Variants in CFAP77 observed in about 807,000 individuals in gnomAD.
CFAP77 encodes cilia and flagella associated protein 77.
In CFAP77, 25 loss-of-function variants were observed where a neutral mutation model predicts 31.1. That is an observed-to-expected ratio of 0.80 (90% confidence interval 0.59 to 1.12). The LOEUF is 1.12. Ranked by LOEUF, CFAP77 falls within the 50% of genes most tolerant of loss-of-function variation. The probability of loss-of-function intolerance (pLI) is 0.00; values close to 1 mark genes in which losing one functional copy is unlikely to be tolerated. For missense variants in CFAP77, 377 were observed against 397.3 expected, an observed-to-expected ratio of 0.95 and a Z score of 0.44; for synonymous variants, 151 against 159.9, an observed-to-expected ratio of 0.94 and a Z score of 0.42.
intron 1 of CFAP77, among the ~76,000 whole-genome samples, chr9:132,489,252 G>A (rs933621673): frequency 3.0e-4 from 46 of 152,178 alleles, no homozygotes; most frequent in African/African-American, 1.0e-3. Flanking sequence ...AATGAGAAGC[G>A]CAAGGATTTT....
rs189570715 is a variant in CFAP77 at position 132,559,792 on chromosome 9, T to C, written c.733-12596T>C. 5.6e-4 allele frequency among the ~76,000 whole-genome samples: 85 copies of C among 152,324 alleles called. 1 individual carries two copies. The highest frequency in any genetic ancestry group is 1.9e-3 in the African/African-American group (78 of 41,570). On this transcript the variant is annotated intron_variant, in intron 5 of 5. Coordinates refer to ENST00000393216, the MANE Select transcript of CFAP77 (RefSeq NM_001282957.2). ...AAACAACCCAAGGTCCATCAACTGA[T>C]GAATGGGTAACAAAAATGTGGTCCA... is the stretch of plus-strand genomic sequence containing the variant.
At chr9:132,462,311 G>A (rs888551463) in intron 1 of CFAP77, among the ~76,000 whole-genome samples, 6 of 152,114 alleles carry the variant, frequency 3.9e-5, no homozygotes, top group Admixed American at 3.3e-4. Flanking sequence ...CTGCTCCTCC[G>A]TTTGTTTGCT....
intron 1 of CFAP77, among the ~76,000 whole-genome samples, chr9:132,493,078 C>T (rs1181604734): frequency 2.0e-5 from 3 of 152,106 alleles, no homozygotes; most frequent in Non-Finnish European, 4.4e-5. Context: ...CGGCTGTGCC[C>T]AAGTGAGGCC....
chr9:132,412,300 GC>G (rs1177334090), intron 1 of CFAP77, among the ~76,000 whole-genome samples: 3 of 152,210 alleles, frequency 2.0e-5, no homozygotes, highest in South Asian at 2.1e-4. Context: ...TGATGATGGA[GC>G]CTGGGGTTCT....
rs371211941 is a variant in CFAP77, at chr9:132,488,865, T to C, written c.196-9830T>C. Among the ~76,000 whole-genome samples the C allele has an allele frequency of 9.9e-5, 15 of 152,038 alleles. No individual in the cohort carries two copies. The East Asian group carries it at 1.7e-3, about 18-fold the overall frequency. On this transcript the variant is annotated intron_variant, in intron 1 of 5. Transcript: ENST00000393216. Reference sequence around the variant, plus strand: ...GGACCCCCTGGGACGGGGAGAGAGATGGTTTTAATTAGAGCTGAGAGATGG... The same window carrying C: ...GGACCCCCTGGGACGGGGAGAGAGACGGTTTTAATTAGAGCTGAGAGATGG...
At chr9:132,486,345 G>A (rs1851558762) in intron 1 of CFAP77, among the ~76,000 whole-genome samples, 2 of 151,562 alleles carry the variant, frequency 1.3e-5, no homozygotes, top group South Asian at 2.1e-4. Context: ...GCCCGCCTCG[G>A]CCTCCCAAAG....
At chr9:132,462,901 C>G (rs1294462893) in intron 1 of CFAP77, among the ~76,000 whole-genome samples, 5 of 152,142 alleles carry the variant, frequency 3.3e-5, no homozygotes, top group African/African-American at 1.2e-4. Context: ...ACAGAGTGAA[C>G]TCCATGAAGA....
chr9:132,560,399 A>G lies in CFAP77; in HGVS notation c.733-11989A>G, dbSNP rs116640846. ...TTAGGAGCTGACCTGAGGTTTATGGAAAGTTCACACACACACCCCACCTTG... is the reference window on the plus strand; with the variant it reads ...TTAGGAGCTGACCTGAGGTTTATGGGAAGTTCACACACACACCCCACCTTG... On this transcript the variant is annotated intron_variant, in intron 5 of 5. Transcript: ENST00000393216. 5.6e-3 allele frequency among the ~76,000 whole-genome samples: 856 copies of G among 152,266 alleles called. 10 individuals are homozygous for G. Among genetic ancestry groups the G allele is most frequent in the African/African-American group, 0.02 (818 of 41,538 alleles).
chr9:132,568,143 C>A (rs56266038), intron 5 of CFAP77, among the ~76,000 whole-genome samples: 8,260 of 152,176 alleles, frequency 0.054, 293 homozygotes, highest in Non-Finnish European at 0.083. Context: ...CAGAGAGAAG[C>A]AAGGTGGCTG....
chr9:132,422,764 T>A (rs1032555615), intron 1 of CFAP77, among the ~76,000 whole-genome samples: 1 of 152,104 alleles, frequency 6.6e-6, no homozygotes, highest in East Asian at 1.9e-4. Context: ...AACAAGAGGC[T>A]GCAGCAACCA....
At position 132,525,480 on chromosome 9, in the gene CFAP77, G is replaced by A. The variant is rs529737569; in HGVS notation, c.525-12121G>A. On this transcript the variant is annotated intron_variant, in intron 3 of 5. Transcript: ENST00000393216. Reference sequence around the variant, plus strand: ...GAAAGTTTGTACAGAGAAAACCCACGTCCTCTTCACCCAGTTCCCCACAAT... The same window carrying A: ...GAAAGTTTGTACAGAGAAAACCCACATCCTCTTCACCCAGTTCCCCACAAT... Among the ~76,000 whole-genome samples the A allele has an allele frequency of 2.0e-5, 3 of 152,190 alleles. No individual in the cohort carries two copies. In the East Asian group the frequency reaches 5.8e-4, roughly 29 times the overall value.
chr9:132,488,835 T>C (rs1206955040), intron 1 of CFAP77, among the ~76,000 whole-genome samples: 5 of 152,016 alleles, frequency 3.3e-5, no homozygotes, highest in Non-Finnish European at 1.5e-5. Flanking sequence ...GCCCGGAGAA[T>C]CCCAGGACCC....
chr9:132,487,333 C>T (rs934414057), intron 1 of CFAP77, among the ~76,000 whole-genome samples: 1 of 152,124 alleles, frequency 6.6e-6, no homozygotes, highest in Non-Finnish European at 1.5e-5. Flanking sequence ...CCCAATTCTC[C>T]TCCATGACCC....
At chr9:132,515,836 C>T (rs370802305) in intron 3 of CFAP77, among the ~76,000 whole-genome samples, 49 of 151,790 alleles carry the variant, frequency 3.2e-4, no homozygotes, top group Non-Finnish European at 6.6e-4. Context: ...TCCGTTTCTC[C>T]GTCGGTCAGT....
chr9:132,468,735 C>T (rs946243427), intron 1 of CFAP77, among the ~76,000 whole-genome samples: 2 of 152,148 alleles, frequency 1.3e-5, no homozygotes, highest in Admixed American at 6.5e-5. Context: ...ATCCCAGGAC[C>T]TTTCACATTG....
rs930577378 is a variant in CFAP77 at position 132,564,951 on chromosome 9, G to A, written c.733-7437G>A. Among the ~76,000 whole-genome samples, 2 of 152,126 alleles carry A rather than the reference G, an allele frequency of 1.3e-5. No homozygotes were observed. Among genetic ancestry groups the A allele is most frequent in the African/African-American group, 4.8e-5 (2 of 41,400 alleles). ...CAGGACTCACGGGAGACCTGGGAGG[G>A]TCACTTCTCACCTTCGGGCCTTGGG... On this transcript the variant is annotated intron_variant, in intron 5 of 5. Coordinates refer to ENST00000393216, the MANE Select transcript of CFAP77 (RefSeq NM_001282957.2). This position sits in a 1 kb window ranked among gnomAD's most constrained non-coding sequence, Gnocchi z 4.6.
chr9:132,481,959 T>TGG lies in CFAP77; in HGVS notation c.196-16723_196-16722dup, dbSNP rs59722731. Among the ~76,000 whole-genome samples, 7 of 115,824 alleles carry TGG rather than the reference T, an allele frequency of 6.0e-5. No homozygotes were observed. The highest frequency in any genetic ancestry group is 1.1e-4 in the Non-Finnish European group (6 of 53,316). 76.0% of individuals were successfully genotyped at this position (115,824 alleles called of 152,430 possible). A position where few individuals can be genotyped will look rare whatever the true frequency, so the allele number is the denominator to read the frequency against. ...TCAGGAAGGAACAAGGGTTTATGGT[T>TGG]GGGGGGGGGGGGGGCGGCGGAACAC... is the stretch of plus-strand genomic sequence containing the variant. On this transcript the variant is annotated intron_variant, in intron 1 of 5. Transcript: ENST00000393216. This position sits in a 1 kb window ranked among gnomAD's most constrained non-coding sequence, Gnocchi z 5.0.
chr9:132,465,073 CAAAAAAAAAAAAAAA>C (rs773917029), intron 1 of CFAP77, among the ~76,000 whole-genome samples: 1 of 82,860 alleles, frequency 1.2e-5, no homozygotes, highest in Non-Finnish European at 2.6e-5. Flanking sequence ...GACTCTGTCT[CAAAAAAAAAAAAAAA>C]AAAAAGAAAA....
At position 132,565,797 on chromosome 9, in the gene CFAP77, C is replaced by T. The variant is rs1055843455; in HGVS notation, c.733-6591C>T. On this transcript the variant is annotated intron_variant, in intron 5 of 5. Coordinates refer to ENST00000393216, the MANE Select transcript of CFAP77 (RefSeq NM_001282957.2). This position sits in a 1 kb window ranked among gnomAD's most constrained non-coding sequence, Gnocchi z 4.1. ...TGGCAGCGCTCTGTCCTTATTTCTG[C>T]GATGCCATTTAGATTTGTGCAATGC... is the stretch of plus-strand genomic sequence containing the variant. 2.0e-5 allele frequency among the ~76,000 whole-genome samples: 3 copies of T among 152,134 alleles called. No individual in the cohort carries two copies. Among genetic ancestry groups the T allele is most frequent in the African/African-American group, 4.8e-5 (2 of 41,438 alleles).
Sources: gnomAD v4.1 joint callset for allele counts (sites outside exome capture counted in the v4.1 genomes callset) on GRCh38, gnomAD v4.1.1 for gene constraint, Gnocchi (gnomAD v3.1) non-coding constraint, MANE v1.5 for transcripts, NCBI Gene and HGNC (gene_info 2026-07-23, HGNC 2026-07-21) for gene names.